The following ERAP2 variants were observed in gnomAD, a reference collection of about 807,000 sequenced individuals.
ERAP2 encodes leukocyte-derived arginine aminopeptidase.
In ERAP2, 118 loss-of-function variants were observed where a neutral mutation model predicts 111.1. The observed-to-expected ratio is 1.06, with a 90% CI of 0.92 to 1.24. The LOEUF (loss-of-function observed/expected upper bound fraction) is 1.24, where lower values mean the gene tolerates loss of function less well. Among genes scored for constraint, ERAP2 ranks in the 50% most tolerant of loss-of-function variants. The pLI is 0.00. For missense variants in ERAP2, 1,131 were observed against 1,125.8 expected (o/e 1.00, Z -0.07); for synonymous variants, 410 against 401.2 (o/e 1.02, Z -0.26).
At chr5:96,917,391 G>T (rs192287956) in intron 18 of ERAP2, 71 bp from the exon 19 acceptor site, 2 of 1,475,406 alleles carry the variant, frequency 1.4e-6, no homozygotes, top group Non-Finnish European at 1.8e-6. Flanking sequence ...GAAGTGCTGG[G>T]ATTACAGGTG....
chr5:96,895,632 G>A (rs1015246121), intron 7 of ERAP2, among the ~76,000 whole-genome samples: 19 of 152,178 alleles, frequency 1.2e-4, no homozygotes, highest in African/African-American at 4.6e-4. Context: ...TGAGAGGAAA[G>A]AACATCACTG....
intron 1 of ERAP2, among the ~76,000 whole-genome samples, chr5:96,876,792 A>G (rs1782578913): frequency 6.6e-6 from 1 of 152,134 alleles, no homozygotes; most frequent in South Asian, 2.1e-4. Context: ...TGCCTCTTCA[A>G]TCCCAGGATG....
chr5:96,900,707 C>T (rs1173400783), intron 10 of ERAP2, among the ~76,000 whole-genome samples: 3 of 152,058 alleles, frequency 2.0e-5, no homozygotes, highest in South Asian at 4.1e-4. Context: ...GACAAAGTCT[C>T]ACTCTGTTGC....
intron 13 of ERAP2, among the ~76,000 whole-genome samples, chr5:96,904,582 T>C (rs1184231169): frequency 6.6e-6 from 1 of 152,106 alleles, no homozygotes; most frequent in Non-Finnish European, 1.5e-5. Flanking sequence ...AAAAACACCA[T>C]CCTACATATG....
rs867722553 is a variant in ERAP2 at position 96,891,085 on chromosome 5, G to A, written c.971-1214G>A. 9.2e-5 allele frequency among the ~76,000 whole-genome samples: 14 copies of A among 152,052 alleles called. No homozygotes were observed. In the South Asian group the frequency reaches 1.2e-3, roughly 14 times the overall value. On this transcript the variant is annotated intron_variant, in intron 5 of 18. Transcript: ENST00000437043. ...CTAACGAATACTAATCTTTATTAGC[G>A]CTAATTTAGTTTTTGATTGTGTTAT...
intron 5 of ERAP2, among the ~76,000 whole-genome samples, chr5:96,890,371 T>C (rs1784211649): frequency 1.3e-5 from 2 of 152,216 alleles, no homozygotes; most frequent in Non-Finnish European, 2.9e-5. Context: ...GAGAATCTAA[T>C]GACACCTCTG....
intron 1 of ERAP2, among the ~76,000 whole-genome samples, 159 bp downstream of exon 1, chr5:96,876,686 T>C (rs1782564106): frequency 6.6e-6 from 1 of 152,170 alleles, no homozygotes; most frequent in South Asian, 2.1e-4. Context: ...TATTAGAAAG[T>C]GTATGCAGTT....
intron 9 of ERAP2, among the ~76,000 whole-genome samples, chr5:96,897,102 C>T (rs2161657): frequency 0.5 from 75,921 of 151,940 alleles, 19,146 homozygotes; most frequent in Admixed American, 0.57. Context: ...TTCTCTTCTA[C>T]GACTAATCCT....
chr5:96,884,714 C>T (rs887475717), intron 3 of ERAP2, among the ~76,000 whole-genome samples: 4 of 151,890 alleles, frequency 2.6e-5, no homozygotes, highest in East Asian at 1.9e-4. Flanking sequence ...CCCACCACTA[C>T]ACCTGACTAA....
At position 96,919,112 on chromosome 5, in the gene ERAP2, A is replaced by C. The variant is rs1308062301; in HGVS notation, c.*1507A>C. On this transcript the variant is annotated 3_prime_UTR_variant, in exon 19 of 19. Coordinates refer to ENST00000437043, the MANE Select transcript of ERAP2 (RefSeq NM_022350.5). ...TGACTGATGTTTGCATTATTAAGGAAGACTTGGGATGTTGGGTCAAGAGGG... is the reference window on the plus strand; with the variant it reads ...TGACTGATGTTTGCATTATTAAGGACGACTTGGGATGTTGGGTCAAGAGGG... 1 of 152,234 alleles carries C rather than the reference A, an allele frequency of 6.6e-6. No individual in the cohort carries two copies. The highest frequency in any genetic ancestry group is 2.4e-5 in the African/African-American group (1 of 41,450). The allele number at this position is 152,234 out of a possible 1,614,324, so 9.4% of individuals were successfully genotyped here.
chr5:96,879,227 CATAA>C lies in ERAP2; in HGVS notation c.-122-327_-122-324del, dbSNP rs1333091303. 3.3e-5 allele frequency among the ~76,000 whole-genome samples: 5 copies of C among 152,120 alleles called. No individual in the cohort carries two copies. In the East Asian group the frequency reaches 9.6e-4, roughly 29 times the overall value. On this transcript the variant is annotated intron_variant, in intron 1 of 18. Coordinates refer to ENST00000437043, the MANE Select transcript of ERAP2 (RefSeq NM_022350.5). ...CAACAGAGCAAGACCCTGTCTAAAA[CATAA>C]ATAAATAAACAAAAATTTAAAATAT...
chr5:96,914,144 T>TCACACACACACA (rs1218635569), intron 17 of ERAP2, among the ~76,000 whole-genome samples: 74 of 101,590 alleles, frequency 7.3e-4, no homozygotes, highest in African/African-American at 3.0e-3. Context: ...TCTCTCTCTC[T>TCACACACACACA]CTCTCACACA....
intron 17 of ERAP2, 83 bp downstream of exon 17, chr5:96,913,540 C>G: frequency 1.4e-6 from 2 of 1,473,430 alleles, no homozygotes; most frequent in Non-Finnish European, 1.9e-6. Flanking sequence ...AAATGTTTCT[C>G]AAAGCATATA....
At chr5:96,912,446 T>C (rs2112385261) in intron 15 of ERAP2, among the ~76,000 whole-genome samples, 191 bp from the exon 16 acceptor site, 1 of 152,250 alleles carries the variant, frequency 6.6e-6, no homozygotes, top group African/African-American at 2.4e-5. Flanking sequence ...CAGTAGGAGA[T>C]AAAACACAAA....
Position 96,888,246 on chromosome 5 carries a change from C to A in ERAP2, c.850-939C>A, listed in dbSNP as rs1342262966. Among the ~76,000 whole-genome samples, 3 of 152,156 alleles carry A rather than the reference C, an allele frequency of 2.0e-5. No individual in the cohort carries two copies. In the East Asian group the frequency reaches 5.8e-4, roughly 29 times the overall value. On this transcript the variant is annotated intron_variant, in intron 4 of 18. Transcript: ENST00000437043. ...ATATGTAGATATATGAGTTGTGTAGCACACATACACATCATGGCACCTCTG... is the reference window on the plus strand; with the variant it reads ...ATATGTAGATATATGAGTTGTGTAGAACACATACACATCATGGCACCTCTG...
Position 96,883,897 on chromosome 5 carries a change from G to A in ERAP2, c.681G>A (p.Glu227=). Residue 227 remains glutamate (E), a synonymous_variant, in exon 3 of 19, where the codon GAG becomes GAA. Coordinates refer to ENST00000437043, the MANE Select transcript of ERAP2 (RefSeq NM_022350.5). The part of the protein sequence containing the change: ...KANFSIKIRR[E]SRHIALSNMP... ...ACTTTTCAATCAAGATACGAAGAGA[G>A]AGCAGGCATATTGCACTATCCAACA... The A allele has an allele frequency of 1.2e-6, 2 of 1,613,448 alleles. No homozygotes were observed. The highest frequency in any genetic ancestry group is 1.7e-6 in the Non-Finnish European group (2 of 1,179,734).
At chr5:96,913,587 C>A in intron 17 of ERAP2, 130 bp downstream of exon 17, 2 of 1,135,402 alleles carry the variant, frequency 1.8e-6, no homozygotes, top group Non-Finnish European at 2.5e-6. Flanking sequence ...TCAGTGGAGT[C>A]AACTTTGAAA....
rs1271219579 is a variant in ERAP2, at chr5:96,919,400, T to C, written c.*1795T>C. 1 of 152,356 alleles carries C rather than the reference T, an allele frequency of 6.6e-6. No homozygotes were observed. Among genetic ancestry groups the C allele is most frequent in the Non-Finnish European group, 1.5e-5 (1 of 68,034 alleles). 9.4% of individuals were successfully genotyped at this position (152,356 alleles called of 1,614,324 possible). A position where few individuals can be genotyped will look rare whatever the true frequency, so the allele number is the denominator to read the frequency against. On this transcript the variant is annotated 3_prime_UTR_variant, in exon 19 of 19. Coordinates refer to ENST00000437043, the MANE Select transcript of ERAP2 (RefSeq NM_022350.5). ...AAGAGATATCCTTTAGAATTACATG[T>C]ATTTTAGCATAAGGAAATTGAAAAA...
chr5:96,912,181 T>C (rs1406057437), intron 15 of ERAP2, among the ~76,000 whole-genome samples: 9 of 114,142 alleles, frequency 7.9e-5, no homozygotes, highest in African/African-American at 2.8e-4. Context: ...ACAGTGAGAC[T>C]CCACCTCAAA....
Sources: gnomAD v4.1 joint callset for allele counts (sites outside exome capture counted in the v4.1 genomes callset) on GRCh38, gnomAD v4.1.1 for gene constraint, MANE v1.5 for transcripts, NCBI Gene and HGNC (gene_info 2026-07-23, HGNC 2026-07-21) for gene names.